Variants in KIF1B observed in about 807,000 individuals in gnomAD.
KIF1B encodes kinesin-like protein KIF1B.
In KIF1B, 76 loss-of-function variants were observed where a neutral mutation model predicts 241.9. That is an observed-to-expected ratio of 0.31 (90% CI 0.26 to 0.38). KIF1B has a LOEUF of 0.38. KIF1B is among the 10% of genes least tolerant of loss of function. The pLI is 1.00. For synonymous variants in KIF1B, 750 were observed against 796.7 expected (o/e 0.94, Z 0.99); for missense variants, 1,622 against 2,271.4 (o/e 0.71, Z 5.81).
At chr1:10,343,817 A>G (rs1652488906) in intron 34 of KIF1B, among the ~76,000 whole-genome samples, 1 of 152,158 alleles carries the variant, frequency 6.6e-6, no homozygotes, top group South Asian at 2.1e-4. Context: ...GTAAGAAACA[A>G]TAGGGGGCCT....
intron 2 of KIF1B, among the ~76,000 whole-genome samples, chr1:10,245,562 A>G (rs1377269539): frequency 6.6e-6 from 1 of 152,226 alleles, no homozygotes; most frequent in African/African-American, 2.4e-5. Context: ...TATGGAGAGG[A>G]TAAAGGAAGG....
intron 22 of KIF1B, among the ~76,000 whole-genome samples, chr1:10,313,786 G>A (rs894704536): frequency 2.0e-5 from 3 of 151,244 alleles, no homozygotes; most frequent in Non-Finnish European, 4.4e-5. Context: ...TCCTGACCTC[G>A]TGATCTGCCC....
At chr1:10,316,610 C>T (rs1006929848) in intron 22 of KIF1B, among the ~76,000 whole-genome samples, 2 of 151,352 alleles carry the variant, frequency 1.3e-5, no homozygotes, top group Non-Finnish European at 2.9e-5. Context: ...AAGTGATCCT[C>T]CTACCTCAGC....
chr1:10,335,919 C>T (rs1236670788), intron 28 of KIF1B, among the ~76,000 whole-genome samples: 2 of 152,124 alleles, frequency 1.3e-5, no homozygotes, highest in Non-Finnish European at 2.9e-5. Flanking sequence ...TGGTCATTTG[C>T]TGTAATCTTT....
At chr1:10,235,836 T>C (rs1336992994) in intron 2 of KIF1B, among the ~76,000 whole-genome samples, 1 of 120,760 alleles carries the variant, frequency 8.3e-6, no homozygotes, top group Non-Finnish European at 1.6e-5. Flanking sequence ...CACTCCGGCC[T>C]GGGCAACAAG....
At chr1:10,304,808 A>T in intron 22 of KIF1B, 1 of 1,483,698 alleles carries the variant, frequency 6.7e-7, no homozygotes, top group Non-Finnish European at 8.9e-7. Flanking sequence ...AAGTTTCAAC[A>T]CCTCCCTTTT....
chr1:10,373,771 G>C (rs1459579364), intron 45 of KIF1B, among the ~76,000 whole-genome samples: 1 of 152,174 alleles, frequency 6.6e-6, no homozygotes, highest in Non-Finnish European at 1.5e-5. Context: ...TGCTTTTTCT[G>C]CCATTTTCTA....
chr1:10,249,165 T>C (rs1020502746), intron 2 of KIF1B, among the ~76,000 whole-genome samples: 10 of 152,132 alleles, frequency 6.6e-5, no homozygotes, highest in Non-Finnish European at 1.3e-4. Context: ...GGTGAAAATA[T>C]GGTTTATATG....
intron 15 of KIF1B, among the ~76,000 whole-genome samples, chr1:10,289,152 C>T (rs1031576465): frequency 1.3e-5 from 2 of 152,140 alleles, no homozygotes; most frequent in African/African-American, 4.8e-5. Flanking sequence ...GGCATGTGCT[C>T]GTCCCCCTTT....
chr1:10,239,891 G>T lies in KIF1B; in HGVS notation c.106+7457G>T, dbSNP rs185823858. 3.2e-4 allele frequency among the ~76,000 whole-genome samples: 48 copies of T among 151,102 alleles called. No homozygotes were observed. In the East Asian group the frequency reaches 9.1e-3, roughly 29 times the overall value. ...TGCCATTCTCCTGCCTCAGCCTCCCGAGTAGCTGGGACTACAAGCACCCGC... is the reference window on the plus strand; with the variant it reads ...TGCCATTCTCCTGCCTCAGCCTCCCTAGTAGCTGGGACTACAAGCACCCGC... On this transcript the variant is annotated intron_variant, in intron 2 of 48. Transcript: ENST00000676179.
In KIF1B at chr1:10,304,266, T is replaced by A. The variant is rs746175906; in HGVS notation, c.2115+7020T>A. On this transcript the variant is annotated intron_variant, in intron 22 of 48. Coordinates refer to ENST00000676179, the MANE Select transcript of KIF1B (RefSeq NM_001365951.3). ...CATGGGGCTCTCAAGGAATGAGAAG[T>A]CAAGATCACATCCAAGTTAGCAAGC... is the stretch of plus-strand genomic sequence containing the variant. The A allele has an allele frequency of 3.1e-6, 5 of 1,613,966 alleles. No individual in the cohort carries two copies. The East Asian group carries it at 1.1e-4, about 36-fold the overall frequency.
chr1:10,369,900 C>G (rs1175971010), intron 44 of KIF1B, among the ~76,000 whole-genome samples: 1 of 150,678 alleles, frequency 6.6e-6, no homozygotes, highest in Non-Finnish European at 1.5e-5. Flanking sequence ...CCATTGCACT[C>G]CAGCCTGGGC....
At chr1:10,333,327 G>A (rs1028238606) in intron 27 of KIF1B, among the ~76,000 whole-genome samples, 2 of 150,440 alleles carry the variant, frequency 1.3e-5, no homozygotes, top group Non-Finnish European at 3.0e-5. Flanking sequence ...CTGAGATTGC[G>A]CCATTGCACT....
chr1:10,219,111 C>T (rs373278673), intron 1 of KIF1B, among the ~76,000 whole-genome samples: 2 of 152,028 alleles, frequency 1.3e-5, no homozygotes, highest in African/African-American at 4.8e-5. Context: ...AACCTTTTTT[C>T]CTAGTATTAA....
intron 15 of KIF1B, 79 bp downstream of exon 15, chr1:10,282,612 T>C: frequency 1.7e-6 from 2 of 1,205,830 alleles, no homozygotes; most frequent in Non-Finnish European, 2.5e-6. Flanking sequence ...ATCACTAAGA[T>C]TTCGACTCAG....
At chr1:10,350,875 T>C (rs1652767301) in intron 37 of KIF1B, among the ~76,000 whole-genome samples, 1 of 152,110 alleles carries the variant, frequency 6.6e-6, no homozygotes, top group Non-Finnish European at 1.5e-5. Context: ...GGCAGGCGGA[T>C]CACTTAAGTT....
At chr1:10,281,992 T>G (rs1649427105) in intron 14 of KIF1B, among the ~76,000 whole-genome samples, 1 of 152,216 alleles carries the variant, frequency 6.6e-6, no homozygotes, top group African/African-American at 2.4e-5. Flanking sequence ...TGGAAGGTAG[T>G]TTGGCTTTTT....
rs544232962 is a variant in KIF1B at position 10,302,599 on chromosome 1, C to T, written c.2115+5353C>T. Among the ~76,000 whole-genome samples, 33 of 152,274 alleles carry T rather than the reference C, an allele frequency of 2.2e-4. 1 individual carries two copies. In the South Asian group the frequency reaches 3.9e-3, roughly 18 times the overall value. On this transcript the variant is annotated intron_variant, in intron 22 of 48. Coordinates refer to ENST00000676179, the MANE Select transcript of KIF1B (RefSeq NM_001365951.3). ...TTTAGTAAAGCTAAACAAAACCTGG[C>T]GTCCTACAGCCTTACTAACCTTTGT...
chr1:10,348,158 A>T (rs1652655522), intron 36 of KIF1B, among the ~76,000 whole-genome samples: 1 of 152,230 alleles, frequency 6.6e-6, no homozygotes, highest in Admixed American at 6.5e-5. Flanking sequence ...CTTTCACACC[A>T]GAAGTTCTTA....
Sources: allele counts gnomAD v4.1 joint callset (sites outside exome capture counted in the v4.1 genomes callset), GRCh38; gene constraint gnomAD v4.1.1; transcripts MANE v1.5; gene names NCBI Gene and HGNC (gene_info 2026-07-23, HGNC 2026-07-21).